MS4A12: variants seen among roughly 807,000 people sequenced by gnomAD.
MS4A12 encodes membrane spanning 4-domains A12.
A neutral mutation model predicts 23.7 loss-of-function variants in MS4A12; 28 were observed. The observed-to-expected ratio is 1.18, with a 90% CI of 0.88 to 1.62. MS4A12 has a LOEUF of 1.62. Ranked by LOEUF, MS4A12 falls within the 40% of genes most tolerant of loss-of-function variation. MS4A12 has a pLI of 0.00. For synonymous variants in MS4A12, 108 were observed against 110.1 expected (o/e 0.98, Z 0.12); for missense variants, 342 against 327.0 (o/e 1.05, Z -0.35).
At chr11:60,496,774 C>T (rs770027935) in intron 1 of MS4A12, among the ~76,000 whole-genome samples, 1 of 152,186 alleles carries the variant, frequency 6.6e-6, no homozygotes, top group African/African-American at 2.4e-5. Context: ...AGTCATGTTC[C>T]TTCCTGGAGA....
intron 1 of MS4A12, among the ~76,000 whole-genome samples, chr11:60,496,647 G>A (rs959623018): frequency 1.3e-5 from 2 of 152,112 alleles, no homozygotes; most frequent in African/African-American, 4.8e-5. Flanking sequence ...TCTATTTGTT[G>A]ATATAACAAA....
chr11:60,500,975 G>A (rs2086525579), intron 2 of MS4A12, 70 bp from the exon 3 acceptor site: 1 of 1,486,700 alleles, frequency 6.7e-7, no homozygotes, highest in Non-Finnish European at 9.0e-7. Flanking sequence ...AGCAGGGGCA[G>A]CAATGACAGT....
At chr11:60,495,765 G>GAGAGCTA (rs1291963212) in intron 1 of MS4A12, among the ~76,000 whole-genome samples, 1 of 152,120 alleles carries the variant, frequency 6.6e-6, no homozygotes, top group African/African-American at 2.4e-5. Flanking sequence ...ATAAATGTTA[G>GAGAGCTA]CTCTCTATAC....
intron 2 of MS4A12, among the ~76,000 whole-genome samples, chr11:60,498,540 C>A (rs1336281648): frequency 6.6e-6 from 1 of 152,186 alleles, no homozygotes; most frequent in Non-Finnish European, 1.5e-5. Flanking sequence ...TACAGCCAGC[C>A]CCACACAGGT....
intron 6 of MS4A12, 78 bp downstream of exon 6, chr11:60,506,916 T>A: frequency 2.6e-6 from 4 of 1,532,332 alleles, no homozygotes; most frequent in Non-Finnish European, 3.6e-6. Flanking sequence ...TAAATCCTAC[T>A]ATCGGCTTAC....
In MS4A12 at chr11:60,503,786, A is replaced by G. The variant is rs116528387; in HGVS notation, c.557A>G (p.Asn186Ser). ...CTGCTGCTGGTGGATATGTGCATCA[A>G]TGGGGTAGCTGGCCAAGACTACTGG... ...VILLLVDMCI[N>S]GVAGQDYWAV... Residue 186 changes from asparagine to serine, a missense_variant, in exon 5 of 7, where the codon AAT (asparagine) becomes AGT (serine). Transcript: ENST00000016913. 3.1e-4 allele frequency: 498 copies of G among 1,613,968 alleles called. No homozygotes were observed. The African/African-American group carries it at 3.9e-3, about 13-fold the overall frequency.
intron 2 of MS4A12, among the ~76,000 whole-genome samples, chr11:60,500,652 A>G (rs1207379526): frequency 6.6e-6 from 1 of 152,238 alleles, no homozygotes; most frequent in East Asian, 1.9e-4. Flanking sequence ...TTTACCCGTA[A>G]CTGGGATGAC....
chr11:60,505,746 T>C (rs1211381516), intron 5 of MS4A12, among the ~76,000 whole-genome samples: 4 of 151,970 alleles, frequency 2.6e-5, no homozygotes, highest in Non-Finnish European at 5.9e-5. Flanking sequence ...TGTGAAAGGA[T>C]AAAGCAAATC....
chr11:60,506,861 A>C, intron 6 of MS4A12, 23 bp downstream of exon 6: 2 of 1,595,326 alleles, frequency 1.3e-6, no homozygotes, highest in Non-Finnish European at 1.7e-6. Flanking sequence ...TCTTCTTTGT[A>C]AAATAATCTG....
chr11:60,497,921 AG>A (rs2086502224), intron 2 of MS4A12: 1 of 213,848 alleles, frequency 4.7e-6, no homozygotes, highest in Admixed American at 5.4e-5. Flanking sequence ...ATTAGTTACA[AG>A]TCTGGTTTTT....
Position 60,498,892 on chromosome 11 carries a change from C to A in MS4A12, c.276+1298C>A, listed in dbSNP as rs753947551. 6.5e-4 allele frequency among the ~76,000 whole-genome samples: 99 copies of A among 151,924 alleles called. 3 individuals carry two copies. The highest frequency in any genetic ancestry group is 1.6e-4 in the Non-Finnish European group (11 of 67,976). The stretch of plus-strand genomic sequence containing the variant: ...AATGTCTTTGAGGTATTTGAAGAAC[C>A]GGGAGGAGGCCAATAAAATAGAACA... On this transcript the variant is annotated intron_variant, in intron 2 of 6. Transcript: ENST00000016913.
chr11:60,497,208 G>T, intron 1 of MS4A12, 105 bp from the exon 2 acceptor site: 7 of 1,314,166 alleles, frequency 5.3e-6, no homozygotes, highest in Non-Finnish European at 7.3e-6. Flanking sequence ...CTGCTCACTT[G>T]TTCTCTCCAT....
intron 2 of MS4A12, among the ~76,000 whole-genome samples, chr11:60,500,111 G>T (rs1278175804): frequency 1.3e-5 from 2 of 151,850 alleles, no homozygotes; most frequent in African/African-American, 4.8e-5. Context: ...CATGGTGGCG[G>T]GAGCCTGTAG....
intron 5 of MS4A12, among the ~76,000 whole-genome samples, chr11:60,505,658 C>CA (rs910925143): frequency 1.9e-4 from 28 of 149,318 alleles, no homozygotes; most frequent in Middle Eastern, 3.4e-3. Context: ...GAAGGGAAGC[C>CA]AAAAAAAAAT....
chr11:60,502,067 A>G, intron 4 of MS4A12, 28 bp downstream of exon 4: 2 of 1,583,044 alleles, frequency 1.3e-6, no homozygotes, highest in Non-Finnish European at 1.7e-6. Context: ...TACTTTTTGA[A>G]CCCCTTTAAA....
rs1190452798 is a variant in MS4A12, at chr11:60,502,057, T to C, written c.471+18T>C. On this transcript the variant is annotated intron_variant, in intron 4 of 6. Coordinates refer to ENST00000016913, the MANE Select transcript of MS4A12 (RefSeq NM_017716.3). ...GTTGTCTGGTAAGTTAGACTGTCTC[T>C]ACTTTTTGAACCCCTTTAAAGATTA... The C allele has an allele frequency of 3.8e-6, 6 of 1,596,948 alleles. No homozygotes were observed. The African/African-American group carries it at 5.4e-5, about 14-fold the overall frequency.
chr11:60,499,102 C>G (rs2086511455), intron 2 of MS4A12, among the ~76,000 whole-genome samples: 2 of 150,902 alleles, frequency 1.3e-5, no homozygotes, highest in African/African-American at 4.9e-5. Context: ...GTTTTGTTTT[C>G]AAAATCTCCA....
At chr11:60,501,341 G>A (rs1825524532) in intron 3 of MS4A12, among the ~76,000 whole-genome samples, 159 bp downstream of exon 3, 1 of 152,206 alleles carries the variant, frequency 6.6e-6, no homozygotes, top group Non-Finnish European at 1.5e-5. Flanking sequence ...CTCTGAATGA[G>A]GGCTGGAGAA....
intron 1 of MS4A12, among the ~76,000 whole-genome samples, chr11:60,493,196 T>G (rs144304353): frequency 0.018 from 2,704 of 151,784 alleles, 36 homozygotes; most frequent in Non-Finnish European, 0.027. Context: ...CCTAACATGG[T>G]GAAACCCCAT....
Sources: gnomAD v4.1 joint callset for allele counts (sites outside exome capture counted in the v4.1 genomes callset) on GRCh38, gnomAD v4.1.1 for gene constraint, MANE v1.5 for transcripts, NCBI Gene and HGNC (gene_info 2026-07-23, HGNC 2026-07-21) for gene names.